SNRNP25: variants seen among roughly 807,000 people sequenced by gnomAD.
SNRNP25 encodes the protein small nuclear ribonucleoprotein U11/U12 subunit 25.
Under a neutral mutation model 23.9 loss-of-function variants are expected in SNRNP25, and 21 were observed. The ratio of observed to expected loss-of-function variants is 0.88; its 90% CI spans 0.62 to 1.27. SNRNP25 has a LOEUF of 1.27. Ranked by LOEUF, SNRNP25 falls within the 50% of genes most tolerant of loss-of-function variation. The probability of loss-of-function intolerance (pLI) is 0.00; values close to 1 mark genes in which losing one functional copy is unlikely to be tolerated. For missense variants in SNRNP25, 160 were observed against 156.9 expected (o/e 1.02, Z -0.11); for synonymous variants, 63 against 60.4 (o/e 1.04, Z -0.20).
Position 55,445 on chromosome 16 carries a change from T to A in SNRNP25, c.43-14T>A. On this transcript the variant is annotated splice_polypyrimidine_tract_variant and intron_variant, in intron 1 of 4. Coordinates refer to ENST00000293861, the MANE Select transcript of SNRNP25 (RefSeq NM_024571.4). ...AGAGCCAGGGTTCCCACTTCTGCCC[T>A]TGGTCTTTTGTAGGTTACTCTGGAA... is the stretch of plus-strand genomic sequence containing the variant. 1 of 1,613,374 alleles carries A rather than the reference T, an allele frequency of 6.2e-7. No homozygotes were observed. The highest frequency in any genetic ancestry group is 8.5e-7 in the Non-Finnish European group (1 of 1,179,334).
intron 1 of SNRNP25, chr16:55,230 T>G: frequency 2.1e-6 from 1 of 476,336 alleles, no homozygotes; most frequent in Non-Finnish European, 3.9e-6. Context: ...GCCTGTTTCT[T>G]AGCACCTCTT....
chr16:56,941 G>C, intron 4 of SNRNP25, 145 bp from the exon 5 acceptor site: 1 of 722,740 alleles, frequency 1.4e-6, no homozygotes, highest in Non-Finnish European at 2.2e-6. Flanking sequence ...GTCTGTGAGA[G>C]GATGGCCACT....
At chr16:56,668 GT>G (rs1897414972) in intron 4 of SNRNP25, 55 bp downstream of exon 4, 2 of 1,585,132 alleles carry the variant, frequency 1.3e-6, no homozygotes, top group Admixed American at 1.7e-5. Context: ...TTGCCCCTTA[GT>G]CCCCCATGCT....
intron 4 of SNRNP25, 111 bp from the exon 5 acceptor site, chr16:56,975 C>A: frequency 1.6e-6 from 2 of 1,230,042 alleles, no homozygotes; most frequent in South Asian, 1.2e-5. Flanking sequence ...TTCCCAGAAG[C>A]CACACGCCTC....
At chr16:56,666 T>C (rs1270993487) in intron 4 of SNRNP25, 53 bp downstream of exon 4, 5 of 1,577,396 alleles carry the variant, frequency 3.2e-6, no homozygotes. Context: ...TGTTGCCCCT[T>C]AGTCCCCCAT....
intron 1 of SNRNP25, chr16:55,062 G>A (rs988971249): frequency 2.3e-5 from 4 of 172,922 alleles, no homozygotes; most frequent in Admixed American, 2.2e-4. Context: ...AATATTTATT[G>A]TTATTACCGT....
Position 54,061 on chromosome 16 carries a change from G to T in SNRNP25, c.42+3G>T. On this transcript the variant is annotated splice_donor_region_variant and intron_variant, in intron 1 of 4. Coordinates refer to ENST00000293861, the MANE Select transcript of SNRNP25 (RefSeq NM_024571.4). ...TGCTCTGCGATCTGCCGATCCAGGT[G>T]TGTGCGGGCGGGGGCTGGGGGCGCG... 6.2e-7 allele frequency: 1 copy of T among 1,602,880 alleles called. No individual in the cohort carries two copies. The highest frequency in any genetic ancestry group is 1.1e-5 in the South Asian group (1 of 89,834).
chr16:55,954 C>T, intron 3 of SNRNP25, 72 bp downstream of exon 3: 4 of 1,378,766 alleles, frequency 2.9e-6, no homozygotes, highest in Non-Finnish European at 4.0e-6. Flanking sequence ...TGTCACCAGG[C>T]ACCACCTGGA....
At position 56,554 on chromosome 16, in the gene SNRNP25, G is replaced by A. The variant is rs756349557; in HGVS notation, c.255G>A (p.Arg85=). The change falls in exon 4 of 5, where the codon AGG becomes AGA. Residue 85 remains arginine, a synonymous_variant. Transcript: ENST00000293861. The stretch of plus-strand genomic sequence containing the variant: ...CCTCTTGCAGGTCCTACGTGTGGAG[G>A]ACGTACCATCTGACCTCTGCAGGAG... ...IQHISWSYVW[R]TYHLTSAGEK... is the part of the protein sequence containing the mutation. 13 of 1,614,028 alleles carry A rather than the reference G, an allele frequency of 8.1e-6. No individual in the cohort carries two copies. The East Asian group carries it at 2.7e-4, about 33-fold the overall frequency.
At chr16:54,167 G>T (rs1341154618) in intron 1 of SNRNP25, 109 bp downstream of exon 1, 3 of 1,262,592 alleles carry the variant, frequency 2.4e-6, no homozygotes, top group Non-Finnish European at 3.3e-6. Flanking sequence ...CCAAGGCTGA[G>T]GAAGGCGCCT....
At chr16:56,381 T>G (rs764787543) in intron 3 of SNRNP25, 158 bp from the exon 4 acceptor site, 1 of 761,146 alleles carries the variant, frequency 1.3e-6, no homozygotes, top group Non-Finnish European at 2.4e-6. Flanking sequence ...TCCTTGTAGC[T>G]GCCTCAGACC....
At position 53,871 on chromosome 16, in the gene SNRNP25, G is replaced by C. The variant is rs1014759575; in HGVS notation, c.-146G>C. The stretch of plus-strand genomic sequence containing the variant: ...CGCTTGGCCTCCCTAGTGCGGGCTG[G>C]CAGTGCGGGCAGAGCCCGGCTGAGA... On this transcript the variant is annotated 5_prime_UTR_variant, in exon 1 of 5. Coordinates refer to ENST00000293861, the MANE Select transcript of SNRNP25 (RefSeq NM_024571.4). 61 of 1,476,528 alleles carry C rather than the reference G, an allele frequency of 4.1e-5. No homozygotes were observed. In the Middle Eastern group the frequency reaches 5.5e-4, roughly 13 times the overall value. The allele number at this position is 1,476,528 out of a possible 1,614,324, so 91.5% of individuals were successfully genotyped here. A position where few individuals can be genotyped will look rare whatever the true frequency, so the allele number is the denominator to read the frequency against.
intron 4 of SNRNP25, among the ~76,000 whole-genome samples, 157 bp downstream of exon 4, chr16:56,770 G>C (rs1235958542): frequency 2.0e-5 from 3 of 152,218 alleles, no homozygotes; most frequent in Admixed American, 2.0e-4. Context: ...ATGGCAGGCA[G>C]AGGGCAGCTG....
At chr16:56,921 G>T (rs1897419142) in intron 4 of SNRNP25, among the ~76,000 whole-genome samples, 165 bp from the exon 5 acceptor site, 1 of 144,750 alleles carries the variant, frequency 6.9e-6, no homozygotes, top group African/African-American at 2.6e-5. Context: ...GTGAGTCGGA[G>T]TGCTTCTGGG....
chr16:56,210 C>T (rs916774028), intron 3 of SNRNP25: 3 of 671,640 alleles, frequency 4.5e-6, no homozygotes, highest in African/African-American at 1.8e-5. Flanking sequence ...TTGGATGGTA[C>T]ACCTGTAGGG....
chr16:56,639 G>A lies in SNRNP25; in HGVS notation c.314+26G>A, dbSNP rs369973877. 281 of 1,611,912 alleles carry A rather than the reference G, an allele frequency of 1.7e-4. No individual in the cohort carries two copies. The African/African-American group carries it at 2.8e-3, about 16-fold the overall frequency. The stretch of plus-strand genomic sequence containing the variant: ...GTAAGTGCCGGCCACGTCCTGAGCC[G>A]TAGGGCACCGCTGTTCTGTTGCCCC... On this transcript the variant is annotated intron_variant, in intron 4 of 4. Transcript: ENST00000293861.
Position 56,512 on chromosome 16 carries a change from T to C in SNRNP25, c.240-27T>C, listed in dbSNP as rs770458584. 3.7e-6 allele frequency: 6 copies of C among 1,612,684 alleles called. No individual in the cohort carries two copies. In the African/African-American group the frequency reaches 8.0e-5, roughly 22 times the overall value. ...CTCAGCTCACCCTGCTCAGGGCACG[T>C]GGTTTACCTGCATTCCCCTCTTGCA... On this transcript the variant is annotated intron_variant, in intron 3 of 4. Transcript: ENST00000293861.
rs1897396085 is a variant in SNRNP25 at position 55,550 on chromosome 16, G to GT, written c.133+2dup. 7 of 1,613,842 alleles carry GT rather than the reference G, an allele frequency of 4.3e-6. No individual in the cohort carries two copies. Among genetic ancestry groups the GT allele is most frequent in the Non-Finnish European group, 5.9e-6 (7 of 1,179,876 alleles). On this transcript the variant is annotated splice_donor_variant, in intron 2 of 4. Transcript: ENST00000293861. LOFTEE classifies it high-confidence loss of function. ...TGCAAGATGGATGGAGAAGTAATGC[G>GT]TAAGTGCTACCCTCCTCCCTTCAGG... is the stretch of plus-strand genomic sequence containing the variant.
chr16:55,289 T>G, intron 1 of SNRNP25, 170 bp from the exon 2 acceptor site: 4 of 606,892 alleles, frequency 6.6e-6, no homozygotes, highest in Non-Finnish European at 9.0e-6. Context: ...GAGTGGAACA[T>G]GAGATTGGGG....
Sources: allele counts gnomAD v4.1 joint callset (sites outside exome capture counted in the v4.1 genomes callset), GRCh38; gene constraint gnomAD v4.1.1; transcripts MANE v1.5; gene names NCBI Gene and HGNC (gene_info 2026-07-23, HGNC 2026-07-21).